Variants in WDR72 observed in about 807,000 individuals in gnomAD.
WDR72 encodes the protein WD repeat-containing protein 72.
In WDR72, 120 loss-of-function variants were observed where a neutral mutation model predicts 124.2. That is an observed-to-expected ratio of 0.97 (90% CI 0.83 to 1.12). WDR72 has a LOEUF of 1.12. Ranked by LOEUF, WDR72 falls within the 50% of genes most tolerant of loss-of-function variation. The pLI is 0.00. For synonymous variants in WDR72, 452 were observed against 441.7 expected (o/e 1.02, Z -0.29); for missense variants, 1,387 against 1,278.8 (o/e 1.08, Z -1.29).
chr15:53,551,061 G>A (rs1893708030), intron 18 of WDR72, among the ~76,000 whole-genome samples: 1 of 152,152 alleles, frequency 6.6e-6, no homozygotes, highest in African/African-American at 2.4e-5. Flanking sequence ...ACTAAGACCT[G>A]AAAAATGGGC....
intron 2 of WDR72, among the ~76,000 whole-genome samples, chr15:53,726,283 T>C (rs906538613): frequency 1.0e-4 from 12 of 116,144 alleles, no homozygotes; most frequent in African/African-American, 4.9e-4. Flanking sequence ...TATATATATA[T>C]ATACACACAC....
chr15:53,753,462 G>C (rs969916634), intron 1 of WDR72, among the ~76,000 whole-genome samples: 1 of 152,218 alleles, frequency 6.6e-6, no homozygotes. Context: ...CATCAGCAAG[G>C]CTATGAATGC....
At chr15:53,523,737 C>G (rs1891949156) in intron 18 of WDR72, among the ~76,000 whole-genome samples, 1 of 152,028 alleles carries the variant, frequency 6.6e-6, no homozygotes. Flanking sequence ...TCTCACTGCA[C>G]TAATCACAGC....
intron 11 of WDR72, 54 bp from the exon 12 acceptor site, chr15:53,702,408 C>G: frequency 7.0e-7 from 1 of 1,432,028 alleles, no homozygotes. Context: ...TTCAGAAAAT[C>G]GTCCCAAGAT....
intron 1 of WDR72, among the ~76,000 whole-genome samples, chr15:53,749,469 T>C (rs2018723524): frequency 6.6e-6 from 1 of 152,118 alleles, no homozygotes; most frequent in Admixed American, 6.5e-5. Flanking sequence ...TTCCCCTGTC[T>C]CCTCTCTCCC....
rs1298700871 is a variant in WDR72, at chr15:53,615,613, T to G, written c.2593A>C (p.Arg865=). Reference sequence around the variant, plus strand: ...TTATCTGACAAGTCCAAAACTTTCCTGGAAAATAAATTTACTCCTGAATAG... The same window carrying G: ...TTATCTGACAAGTCCAAAACTTTCCGGGAAAATAAATTTACTCCTGAATAG... The part of the protein sequence containing the change: ...KDYSGVNLFS[R]KVLDLSDKYT... Residue 865 remains arginine (R), a synonymous_variant, in exon 15 of 20, where the codon AGG becomes CGG. Transcript: ENST00000360509. 1 of 1,612,738 alleles carries G rather than the reference T, an allele frequency of 6.2e-7. No homozygotes were observed. The highest frequency in any genetic ancestry group is 1.7e-5 in the Admixed American group (1 of 59,804).
In WDR72 at chr15:53,517,342, T is replaced by C; in HGVS notation, c.*357A>G. On this transcript the variant is annotated 3_prime_UTR_variant, in exon 20 of 20. Transcript: ENST00000360509. ...ACATTGGTTTTAACATTGTTTATTA[T>C]ATAATTCAGGGACTAAAAGGATAGG... 1 of 285,104 alleles carries C rather than the reference T, an allele frequency of 3.5e-6. No individual in the cohort carries two copies. 17.7% of individuals were successfully genotyped at this position (285,104 alleles called of 1,614,324 possible).
At chr15:53,610,029 G>A (rs2013471953) in intron 16 of WDR72, among the ~76,000 whole-genome samples, 1 of 152,018 alleles carries the variant, frequency 6.6e-6, no homozygotes, top group African/African-American at 2.4e-5. Context: ...ACTCTGCCAT[G>A]AATTAGTCTC....
intron 18 of WDR72, among the ~76,000 whole-genome samples, chr15:53,582,938 T>C (rs1161579100): frequency 1.3e-5 from 2 of 151,934 alleles, no homozygotes; most frequent in Non-Finnish European, 2.9e-5. Flanking sequence ...AATGAACCAC[T>C]GGAAATATAA....
intron 17 of WDR72, among the ~76,000 whole-genome samples, chr15:53,606,839 T>C (rs572477919): frequency 6.6e-6 from 1 of 152,114 alleles, no homozygotes; most frequent in African/African-American, 2.4e-5. Context: ...AGATAGGAGG[T>C]GGCAAATGAT....
intron 17 of WDR72, among the ~76,000 whole-genome samples, chr15:53,606,464 T>G (rs1362228043): frequency 6.6e-6 from 1 of 152,150 alleles, no homozygotes; most frequent in Admixed American, 6.5e-5. Flanking sequence ...TTTCTGGGCA[T>G]TGGTAAGAGA....
intron 18 of WDR72, among the ~76,000 whole-genome samples, chr15:53,591,715 CACACACACACACACAT>C (rs1455254502): frequency 2.5e-5 from 2 of 78,826 alleles, no homozygotes; most frequent in Non-Finnish European, 5.2e-5. Context: ...CACACACACA[CACACACACACACACAT>C]ATATACCTTC....
intron 14 of WDR72, among the ~76,000 whole-genome samples, chr15:53,648,968 C>G (rs2015140497): frequency 1.3e-5 from 2 of 151,712 alleles, no homozygotes; most frequent in South Asian, 4.1e-4. Context: ...TGAGCAAAAC[C>G]AGTTATAATT....
chr15:53,751,037 G>A lies in WDR72; in HGVS notation c.-13+8596C>T, dbSNP rs565367049. On this transcript the variant is annotated intron_variant, in intron 1 of 19. Transcript: ENST00000360509. ...GTTGGTAAAGTAGCAGGGTTTAAAA[G>A]GATTGACTCCAATTTTGGAAAAAGT... Among the ~76,000 whole-genome samples, 11 of 152,250 alleles carry A rather than the reference G, an allele frequency of 7.2e-5. No homozygotes were observed. The East Asian group carries it at 1.7e-3, about 24-fold the overall frequency.
intron 2 of WDR72, among the ~76,000 whole-genome samples, chr15:53,727,690 A>G (rs368654370): frequency 6.6e-6 from 1 of 152,168 alleles, no homozygotes; most frequent in African/African-American, 2.4e-5. Flanking sequence ...AGGGAACATC[A>G]AGGATATTCC....
rs959683057 is a variant in WDR72 at position 53,640,516 on chromosome 15, C to T, written c.1963-24273G>A. Among the ~76,000 whole-genome samples the T allele has an allele frequency of 3.7e-4, 56 of 152,094 alleles. 1 individual carries two copies. Among genetic ancestry groups the T allele is most frequent in the Non-Finnish European group, 1.0e-4 (7 of 67,990 alleles). ...AAATGAAAAGTAGCATTTTTCCATTCTTTTTCTAAAAATACAATCATTGAA... is the reference window on the plus strand; with the variant it reads ...AAATGAAAAGTAGCATTTTTCCATTTTTTTTCTAAAAATACAATCATTGAA... On this transcript the variant is annotated intron_variant, in intron 14 of 19. Coordinates refer to ENST00000360509, the MANE Select transcript of WDR72 (RefSeq NM_182758.4).
intron 3 of WDR72, among the ~76,000 whole-genome samples, chr15:53,718,918 T>C (rs1026858902): frequency 1.3e-5 from 2 of 152,080 alleles, no homozygotes; most frequent in Non-Finnish European, 2.9e-5. Flanking sequence ...GTCTACGACA[T>C]ATAACATTAG....
intron 14 of WDR72, among the ~76,000 whole-genome samples, chr15:53,638,771 A>G (rs2014722965): frequency 1.3e-5 from 2 of 152,088 alleles, no homozygotes; most frequent in South Asian, 2.1e-4. Context: ...TCGGAGGACA[A>G]TGCGAGCAGA....
At chr15:53,635,375 T>C (rs191117465) in intron 14 of WDR72, among the ~76,000 whole-genome samples, 25 of 152,324 alleles carry the variant, frequency 1.6e-4, no homozygotes, top group African/African-American at 6.0e-4. Context: ...CCTTCACTTA[T>C]GAAAATGATA....
Sources: allele counts gnomAD v4.1 joint callset (sites outside exome capture counted in the v4.1 genomes callset), GRCh38; gene constraint gnomAD v4.1.1; transcripts MANE v1.5; gene names NCBI Gene and HGNC (gene_info 2026-07-23, HGNC 2026-07-21).